The following SGK1 variants were observed in gnomAD, a reference collection of about 807,000 sequenced individuals.
The protein encoded by SGK1 is serine/threonine-protein kinase Sgk1.
A neutral mutation model predicts 64.2 loss-of-function variants in SGK1; 26 were observed. The ratio of observed to expected loss-of-function variants is 0.40; its 90% CI spans 0.30 to 0.56. The LOEUF is 0.56. SGK1 is among the 20% of genes least tolerant of loss of function. The pLI is 0.38. For synonymous variants in SGK1, 265 were observed against 239.7 expected (o/e 1.11, Z -0.98); for missense variants, 519 against 645.6 (o/e 0.80, Z 2.12).
intron 2 of SGK1, among the ~76,000 whole-genome samples, chr6:134,212,106 T>G (rs1414129963): frequency 6.6e-6 from 1 of 151,648 alleles, no homozygotes; most frequent in African/African-American, 2.4e-5. Flanking sequence ...CAGGCTGGAG[T>G]GCAGTGGTGC....
At chr6:134,206,381 A>ATTTTTTTTT in intron 3 of SGK1, among the ~76,000 whole-genome samples, 1 of 5,584 alleles carries the variant, frequency 1.8e-4, no homozygotes, top group Admixed American at 2.5e-3. Flanking sequence ...ATATATATAT[A>ATTTTTTTTT]TATTTTTTTT....
At chr6:134,181,572 T>C (rs546089848) in intron 3 of SGK1, among the ~76,000 whole-genome samples, 3 of 152,120 alleles carry the variant, frequency 2.0e-5, no homozygotes, top group Non-Finnish European at 4.4e-5. Context: ...CTCGGATTCC[T>C]GACCTCAAGT....
intron 1 of SGK1, among the ~76,000 whole-genome samples, chr6:134,287,000 G>C (rs892436117): frequency 6.6e-6 from 1 of 151,558 alleles, no homozygotes; most frequent in Non-Finnish European, 1.5e-5. Context: ...GTCTTTTTTT[G>C]TTTTGTTTTT....
chr6:134,255,963 T>C (rs977222096), intron 2 of SGK1, among the ~76,000 whole-genome samples: 3 of 152,142 alleles, frequency 2.0e-5, no homozygotes, highest in Non-Finnish European at 4.4e-5. Context: ...CATTTTTCTT[T>C]CTATTTGTTA....
At chr6:134,232,467 GAAAGAA>G (rs1227561485) in intron 2 of SGK1, among the ~76,000 whole-genome samples, 1,204 of 38,518 alleles carry the variant, frequency 0.031, 115 homozygotes, top group African/African-American at 0.072. Context: ...AAGAAAGAAA[GAAAGAA>G]AGAAAGAAAG....
At position 134,171,750 on chromosome 6, in the gene SGK1, G is replaced by A; in HGVS notation, c.1072-18C>T. 1 of 1,564,526 alleles carries A rather than the reference G, an allele frequency of 6.4e-7. No individual in the cohort carries two copies. The highest frequency in any genetic ancestry group is 8.8e-7 in the Non-Finnish European group (1 of 1,135,540). ...GCGAGATACTGAAAAACAGACCAGG[G>A]AAACAGCGTTTAGAACCTGCGAAAG... On this transcript the variant is annotated intron_variant, in intron 10 of 13. Coordinates refer to ENST00000367858, the MANE Select transcript of SGK1 (RefSeq NM_001143676.3).
rs374782809 is a variant in SGK1 at position 134,208,817 on chromosome 6, C to T, written c.286-1386G>A. Among the ~76,000 whole-genome samples the T allele has an allele frequency of 3.5e-4, 52 of 150,034 alleles. 2 individuals are homozygous for T. In the East Asian group the frequency reaches 7.0e-3, roughly 20 times the overall value. ...ACACACATACATATACACACATACA[C>T]GCATGTATATATATGTATGTGTGTA... is the stretch of plus-strand genomic sequence containing the variant. On this transcript the variant is annotated intron_variant, in intron 2 of 13. Coordinates refer to ENST00000367858, the MANE Select transcript of SGK1 (RefSeq NM_001143676.3).
intron 1 of SGK1, among the ~76,000 whole-genome samples, chr6:134,263,713 T>G (rs1776802622): frequency 6.6e-6 from 1 of 152,140 alleles, no homozygotes; most frequent in Non-Finnish European, 1.5e-5. Flanking sequence ...TATACAGCAT[T>G]TCAAAAATCA....
At chr6:134,274,748 G>A (rs889224902) in intron 1 of SGK1, among the ~76,000 whole-genome samples, 5 of 149,968 alleles carry the variant, frequency 3.3e-5, no homozygotes, top group Non-Finnish European at 5.9e-5. Context: ...GTATCTTCTC[G>A]ATTCCTAAAG....
At chr6:134,175,010 G>A in intron 3 of SGK1, 9 of 1,100,436 alleles carry the variant, frequency 8.2e-6, no homozygotes, top group South Asian at 1.7e-5. Context: ...CGCTGCCTGC[G>A]GCGGGCGGTT....
intron 1 of SGK1, among the ~76,000 whole-genome samples, chr6:134,312,063 C>G (rs533154977): frequency 6.6e-6 from 1 of 152,188 alleles, no homozygotes; most frequent in Non-Finnish European, 1.5e-5. Context: ...TTGGCATCAT[C>G]GCAGTGCACT....
intron 1 of SGK1, among the ~76,000 whole-genome samples, chr6:134,285,679 TGA>T (rs1777173686): frequency 6.6e-6 from 1 of 152,154 alleles, no homozygotes; most frequent in Non-Finnish European, 1.5e-5. Flanking sequence ...TATCTCCTTT[TGA>T]GAATTGTCTA....
At chr6:134,215,858 A>T (rs1775971201) in intron 2 of SGK1, among the ~76,000 whole-genome samples, 1 of 152,114 alleles carries the variant, frequency 6.6e-6, no homozygotes, top group Non-Finnish European at 1.5e-5. Context: ...CTCTACTAAA[A>T]ATACAAAATT....
intron 2 of SGK1, among the ~76,000 whole-genome samples, chr6:134,227,630 A>G (rs1776205620): frequency 6.6e-6 from 1 of 152,248 alleles, no homozygotes; most frequent in Non-Finnish European, 1.5e-5. Flanking sequence ...AAAGTGCTTT[A>G]CATTTACTTG....
At chr6:134,273,891 T>C (rs1182598903) in intron 1 of SGK1, among the ~76,000 whole-genome samples, 2 of 152,128 alleles carry the variant, frequency 1.3e-5, no homozygotes, top group East Asian at 3.8e-4. Context: ...CCTCCTGGGC[T>C]CCAGTGATTC....
chr6:134,317,636 C>A lies in SGK1; in HGVS notation c.-176G>T. On this transcript the variant is annotated 5_prime_UTR_variant, in exon 1 of 14. Coordinates refer to ENST00000367858, the MANE Select transcript of SGK1 (RefSeq NM_001143676.3). ...TCTGCAGCACCAGCTACTGCAGCAA[C>A]CTCTCCCCACTTTCAGTTGCCACCG... The A allele has an allele frequency of 3.2e-6, 2 of 616,588 alleles. No individual in the cohort carries two copies. Among genetic ancestry groups the A allele is most frequent in the Admixed American group, 5.8e-5 (2 of 34,576 alleles). 38.2% of individuals were successfully genotyped at this position (616,588 alleles called of 1,614,324 possible). A position where few individuals can be genotyped will look rare whatever the true frequency, so the allele number is the denominator to read the frequency against.
At chr6:134,290,260 G>A (rs1431089611) in intron 1 of SGK1, among the ~76,000 whole-genome samples, 1 of 151,324 alleles carries the variant, frequency 6.6e-6, no homozygotes, top group Non-Finnish European at 1.5e-5. Flanking sequence ...GGAGTTCGAG[G>A]CTGCACTGAG....
intron 2 of SGK1, among the ~76,000 whole-genome samples, chr6:134,217,809 C>T (rs575000821): frequency 3.3e-5 from 5 of 152,208 alleles, no homozygotes; most frequent in Admixed American, 2.6e-4. Flanking sequence ...AATACTTGAC[C>T]CCACAAGAGA....
intron 1 of SGK1, among the ~76,000 whole-genome samples, chr6:134,314,760 A>G (rs1263932807): frequency 6.7e-6 from 1 of 148,406 alleles, no homozygotes; most frequent in African/African-American, 2.5e-5. Flanking sequence ...ATCAAAAATC[A>G]TTCTTTTTAA....
Sources: gnomAD v4.1 joint callset for allele counts (sites outside exome capture counted in the v4.1 genomes callset) on GRCh38, gnomAD v4.1.1 for gene constraint, MANE v1.5 for transcripts, NCBI Gene and HGNC (gene_info 2026-07-23, HGNC 2026-07-21) for gene names.